Variants in NECAB1 observed in about 807,000 individuals in gnomAD.
NECAB1 encodes N-terminal EF-hand calcium-binding protein 1.
NECAB1 carries 29 observed loss-of-function variants against 57.5 expected under a neutral mutation model. The ratio of observed to expected loss-of-function variants is 0.50; its 90% CI spans 0.38 to 0.69. The LOEUF (loss-of-function observed/expected upper bound fraction) is 0.69. NECAB1 is among the 30% of genes least tolerant of loss of function. The pLI is 0.00. For missense variants in NECAB1, 372 were observed against 413.8 expected (o/e 0.90, Z 0.88); for synonymous variants, 142 against 147.7 (o/e 0.96, Z 0.28).
chr8:90,796,470 T>A (rs1465924960), intron 1 of NECAB1, among the ~76,000 whole-genome samples: 1 of 152,224 alleles, frequency 6.6e-6, no homozygotes, highest in Non-Finnish European at 1.5e-5. Flanking sequence ...TAAATTATGA[T>A]TGTGTCCATC....
At chr8:90,843,144 T>C (rs2129749458) in intron 3 of NECAB1, among the ~76,000 whole-genome samples, 1 of 152,202 alleles carries the variant, frequency 6.6e-6, no homozygotes, top group African/African-American at 2.4e-5. Flanking sequence ...AACCATCAGA[T>C]CTTGTGAAGA....
At chr8:90,922,400 A>G (rs1810136352) in intron 6 of NECAB1, among the ~76,000 whole-genome samples, 1 of 151,812 alleles carries the variant, frequency 6.6e-6, no homozygotes, top group Admixed American at 6.6e-5. Context: ...AAAAGTTTAG[A>G]CAGCTTAGAT....
chr8:90,906,891 A>ATGTGTATATATATATATATGTATG (rs1554574081), intron 5 of NECAB1, among the ~76,000 whole-genome samples: 1 of 113,414 alleles, frequency 8.8e-6, no homozygotes, highest in African/African-American at 4.0e-5. Flanking sequence ...ATATATATAT[A>ATGTGTATATATATATATATGTATG]TATATATATA....
intron 2 of NECAB1, among the ~76,000 whole-genome samples, chr8:90,822,541 A>AT (rs924039398): frequency 2.6e-5 from 4 of 151,708 alleles, no homozygotes; most frequent in East Asian, 1.9e-4. Flanking sequence ...TAATAAGAGG[A>AT]TTTTTTTCTA....
chr8:90,933,260 A>G (rs978439860), intron 8 of NECAB1, among the ~76,000 whole-genome samples: 2 of 152,174 alleles, frequency 1.3e-5, no homozygotes, highest in Admixed American at 6.6e-5. Flanking sequence ...TCATTATACA[A>G]AAAAGAACTT....
intron 5 of NECAB1, among the ~76,000 whole-genome samples, chr8:90,885,086 A>G (rs1327488659): frequency 1.3e-5 from 2 of 152,332 alleles, no homozygotes; most frequent in African/African-American, 4.8e-5. Context: ...GATAGAACTG[A>G]GATGAGAGCC....
intron 5 of NECAB1, among the ~76,000 whole-genome samples, chr8:90,885,660 A>G (rs555092214): frequency 6.6e-6 from 1 of 152,304 alleles, no homozygotes; most frequent in South Asian, 2.1e-4. Context: ...CAATATCCTA[A>G]AGATAATGAG....
intron 4 of NECAB1, 47 bp downstream of exon 4, chr8:90,872,200 G>A (rs1398930271): frequency 4.2e-6 from 6 of 1,427,338 alleles, no homozygotes; most frequent in Admixed American, 2.2e-5. Flanking sequence ...TGCTTAAGAA[G>A]GAAAAAGAGT....
At chr8:90,851,649 A>G (rs1286224524) in intron 3 of NECAB1, among the ~76,000 whole-genome samples, 1 of 152,172 alleles carries the variant, frequency 6.6e-6, no homozygotes, top group African/African-American at 2.4e-5. Context: ...GGTTCACAGC[A>G]AAATGGAGTG....
At chr8:90,814,159 G>A (rs1812018870) in intron 2 of NECAB1, among the ~76,000 whole-genome samples, 1 of 152,176 alleles carries the variant, frequency 6.6e-6, no homozygotes, top group Non-Finnish European at 1.5e-5. Flanking sequence ...GGAGTACTAG[G>A]TCTGCTATTT....
intron 2 of NECAB1, among the ~76,000 whole-genome samples, chr8:90,819,053 C>G (rs971796245): frequency 6.6e-6 from 1 of 151,788 alleles, no homozygotes; most frequent in Non-Finnish European, 1.5e-5. Context: ...TCCTCAAGTT[C>G]TTTCATTCTT....
chr8:90,863,225 C>T (rs1454570823), intron 3 of NECAB1, among the ~76,000 whole-genome samples: 1 of 152,064 alleles, frequency 6.6e-6, no homozygotes. Flanking sequence ...GTGACAAAGA[C>T]TGATTTCTCA....
intron 5 of NECAB1, among the ~76,000 whole-genome samples, chr8:90,909,036 A>G (rs916084887): frequency 6.6e-6 from 1 of 152,120 alleles, no homozygotes; most frequent in African/African-American, 2.4e-5. Context: ...GGCTTTACTG[A>G]TTGCCAATCA....
At chr8:90,807,065 T>C (rs913662832) in intron 2 of NECAB1, among the ~76,000 whole-genome samples, 1 of 152,158 alleles carries the variant, frequency 6.6e-6, no homozygotes, top group Non-Finnish European at 1.5e-5. Context: ...AATATAATTA[T>C]AGTTAGAGCC....
At chr8:90,890,836 C>G (rs185970888) in intron 5 of NECAB1, among the ~76,000 whole-genome samples, 37 of 152,288 alleles carry the variant, frequency 2.4e-4, no homozygotes, top group Non-Finnish European at 4.4e-5. Context: ...ACAATGCCCT[C>G]AAGAGTCTCA....
intron 8 of NECAB1, among the ~76,000 whole-genome samples, chr8:90,931,658 C>T (rs1810407850): frequency 6.6e-6 from 1 of 152,084 alleles, no homozygotes; most frequent in Non-Finnish European, 1.5e-5. Flanking sequence ...AATCCCGGCA[C>T]TTTGGGAGGC....
chr8:90,824,546 T>C (rs1005591748), intron 2 of NECAB1, among the ~76,000 whole-genome samples, 171 bp from the exon 3 acceptor site: 1 of 151,940 alleles, frequency 6.6e-6, no homozygotes, highest in Non-Finnish European at 1.5e-5. Flanking sequence ...CTGTGTTCTA[T>C]GTTATATAAA....
At chr8:90,853,783 G>A (rs573421596) in intron 3 of NECAB1, among the ~76,000 whole-genome samples, 4 of 152,290 alleles carry the variant, frequency 2.6e-5, no homozygotes, top group East Asian at 1.9e-4. Context: ...TCATTGAGAC[G>A]ACAAATATTG....
chr8:90,925,738 A>G, intron 7 of NECAB1, 82 bp downstream of exon 7: 1 of 1,539,732 alleles, frequency 6.5e-7, no homozygotes. Context: ...CAAACAACAG[A>G]TAAGACAATA....
Sources: gnomAD v4.1 joint callset for allele counts (sites outside exome capture counted in the v4.1 genomes callset) on GRCh38, gnomAD v4.1.1 for gene constraint, MANE v1.5 for transcripts, NCBI Gene and HGNC (gene_info 2026-07-23, HGNC 2026-07-21) for gene names.